Variants in ZC3H4 observed in about 807,000 individuals in gnomAD.
The protein encoded by ZC3H4 is zinc finger CCCH-type containing 4.
A neutral mutation model predicts 108.3 loss-of-function variants in ZC3H4; 13 were observed. That is an observed-to-expected ratio of 0.12 (90% confidence interval 0.08 to 0.19). The LOEUF is 0.19. Among genes scored for constraint, ZC3H4 ranks in the 10% least tolerant of loss-of-function variants. The pLI is 1.00. For synonymous variants in ZC3H4, 917 were observed against 749.6 expected, an observed-to-expected ratio of 1.22 and a Z score of -3.65; for missense variants, 1,734 against 1,838.8, an observed-to-expected ratio of 0.94 and a Z score of 1.04.
At chr19:47,094,954 G>C (rs1178019007) in intron 2 of ZC3H4, among the ~76,000 whole-genome samples, 8 of 152,188 alleles carry the variant, frequency 5.3e-5, no homozygotes, top group African/African-American at 1.7e-4. Context: ...CCCATCTTGG[G>C]GATTCATAAT....
chr19:47,081,762 T>C, intron 10 of ZC3H4, 140 bp from the exon 11 acceptor site: 1 of 730,666 alleles, frequency 1.4e-6, no homozygotes, highest in South Asian at 1.7e-5. Flanking sequence ...TGCTAAGGGC[T>C]GCTCAGTGGG....
chr19:47,101,647 C>T (rs1159706911), intron 2 of ZC3H4, among the ~76,000 whole-genome samples: 2 of 151,718 alleles, frequency 1.3e-5, no homozygotes, highest in African/African-American at 2.4e-5. Context: ...CTGAGGCGGG[C>T]GGATCACTAG....
chr19:47,090,251 C>G, intron 4 of ZC3H4, 62 bp from the exon 5 acceptor site: 2 of 1,576,316 alleles, frequency 1.3e-6, no homozygotes, highest in Non-Finnish European at 1.7e-6. Flanking sequence ...TGCAGACTAC[C>G]AAGATACCCA....
intron 2 of ZC3H4, chr19:47,097,002 G>A (rs951220621): frequency 6.1e-6 from 6 of 985,258 alleles, no homozygotes; most frequent in East Asian, 1.1e-4. Flanking sequence ...TGGCTCGGAC[G>A]AAGGTACAGG....
chr19:47,084,323 C>A (rs1272200183), intron 9 of ZC3H4, 22 bp downstream of exon 9: 1 of 1,610,594 alleles, frequency 6.2e-7, no homozygotes, highest in Non-Finnish European at 8.5e-7. Context: ...CCTAGAGGTG[C>A]CCAGCTTTCA....
chr19:47,095,688 A>G (rs938313410), intron 2 of ZC3H4, among the ~76,000 whole-genome samples: 2 of 152,342 alleles, frequency 1.3e-5, no homozygotes, highest in African/African-American at 4.8e-5. Flanking sequence ...GGAGGCTGGA[A>G]AAAGAATCCA....
intron 2 of ZC3H4, among the ~76,000 whole-genome samples, chr19:47,104,905 G>C (rs918692925): frequency 2.0e-5 from 3 of 151,942 alleles, no homozygotes; most frequent in African/African-American, 7.2e-5. Context: ...TTAGGCCATA[G>C]CAGGGATGTA....
At chr19:47,069,750 T>C (rs1287747571) in intron 13 of ZC3H4, among the ~76,000 whole-genome samples, 2 of 152,196 alleles carry the variant, frequency 1.3e-5, no homozygotes, top group African/African-American at 4.8e-5. Context: ...ACGGTTTCTT[T>C]CTAACAATCA....
Position 47,066,325 on chromosome 19 carries a change from G to C in ZC3H4, c.*31C>G. 1 of 1,476,610 alleles carries C rather than the reference G, an allele frequency of 6.8e-7. No homozygotes were observed. The highest frequency in any genetic ancestry group is 9.0e-7 in the Non-Finnish European group (1 of 1,111,628). The allele number at this position is 1,476,610 out of a possible 1,614,324, so 91.5% of individuals were successfully genotyped here. On this transcript the variant is annotated 3_prime_UTR_variant, in exon 15 of 15. Coordinates refer to ENST00000253048, the MANE Select transcript of ZC3H4 (RefSeq NM_015168.2). ...GCTGCCCTGAATGCCACCCTAGGAAGGGTGGCTGGAGCCGCAGCTCTGGCT... is the reference window on the plus strand; with the variant it reads ...GCTGCCCTGAATGCCACCCTAGGAACGGTGGCTGGAGCCGCAGCTCTGGCT...
At chr19:47,069,037 C>A in intron 14 of ZC3H4, 55 bp downstream of exon 14, 4 of 1,598,416 alleles carry the variant, frequency 2.5e-6, no homozygotes, top group Non-Finnish European at 3.4e-6. Flanking sequence ...ACCACCGCCG[C>A]TCCCCTGCAC....
intron 2 of ZC3H4, among the ~76,000 whole-genome samples, chr19:47,097,888 G>A (rs550383749): frequency 6.6e-6 from 1 of 152,142 alleles, no homozygotes. Flanking sequence ...GATTGGCAAC[G>A]CCTGACATGG....
chr19:47,092,515 C>T (rs1432193170), intron 4 of ZC3H4, among the ~76,000 whole-genome samples: 16 of 152,172 alleles, frequency 1.1e-4, no homozygotes, highest in African/African-American at 1.7e-4. Context: ...GACCTACTAA[C>T]TTTAAAACAT....
At chr19:47,075,189 CCT>C (rs1415721383) in intron 11 of ZC3H4, among the ~76,000 whole-genome samples, 3 of 152,090 alleles carry the variant, frequency 2.0e-5, no homozygotes, top group Non-Finnish European at 2.9e-5. Flanking sequence ...CGGTGGAACC[CCT>C]CTGTCCTTCT....
rs200927562 is a variant in ZC3H4 at position 47,072,748 on chromosome 19, G to A, written c.1441-35C>T. ...TGAAAGAACAAAAGAAGGTGTGGAC[G>A]GGGTCAGGATGGAAACGGACCTCTC... On this transcript the variant is annotated intron_variant, in intron 11 of 14. Coordinates refer to ENST00000253048, the MANE Select transcript of ZC3H4 (RefSeq NM_015168.2). This position sits in a 1 kb window ranked among gnomAD's most constrained non-coding sequence, Gnocchi z 5.6. The A allele has an allele frequency of 1.6e-4, 256 of 1,610,076 alleles. No homozygotes were observed. Among genetic ancestry groups the A allele is most frequent in the Admixed American group, 1.2e-3 (73 of 59,840 alleles).
chr19:47,100,994 G>A (rs560114405), intron 2 of ZC3H4, among the ~76,000 whole-genome samples: 14 of 151,926 alleles, frequency 9.2e-5, no homozygotes, highest in Admixed American at 2.0e-4. Flanking sequence ...CAACACACGC[G>A]GCCTGTAGTT....
chr19:47,093,863 G>C lies in ZC3H4; in HGVS notation c.492+107C>G. On this transcript the variant is annotated intron_variant, in intron 4 of 14. Transcript: ENST00000253048. Reference sequence around the variant, plus strand: ...GATTAAATTAATACCTGATGGCCCAGGACTGAAACTCACAAAAAATGCCCA... The same window carrying C: ...GATTAAATTAATACCTGATGGCCCACGACTGAAACTCACAAAAAATGCCCA... 6.7e-6 allele frequency: 6 copies of C among 902,070 alleles called. No homozygotes were observed. In the South Asian group the frequency reaches 1.0e-4, roughly 15 times the overall value. The allele number at this position is 902,070 out of a possible 1,614,324, so 55.9% of individuals were successfully genotyped here.
intron 9 of ZC3H4, among the ~76,000 whole-genome samples, chr19:47,083,573 C>T (rs923959932): frequency 6.6e-6 from 1 of 151,802 alleles, no homozygotes; most frequent in Admixed American, 6.6e-5. Context: ...GGTGTGGTGG[C>T]GGGCAGGCAC....
intron 11 of ZC3H4, among the ~76,000 whole-genome samples, chr19:47,076,262 C>A (rs2057415599): frequency 6.6e-6 from 1 of 152,186 alleles, no homozygotes; most frequent in Non-Finnish European, 1.5e-5. Context: ...AACGGGTGAA[C>A]CTCAAAGGCT....
In ZC3H4 at chr19:47,066,667, T is replaced by C. The variant is rs1372343724; in HGVS notation, c.3601A>G (p.Thr1201Ala). 1.9e-6 allele frequency: 3 copies of C among 1,611,670 alleles called. No homozygotes were observed. In the African/African-American group the frequency reaches 4.0e-5, roughly 22 times the overall value. The change falls in exon 15 of 15, where the codon ACA becomes GCA. Residue 1201 changes from threonine to alanine, a missense_variant. Physicochemically the swap from Thr to Ala is moderately conservative, Grantham distance 58 (BLOSUM62 0). This residue lies in a region of ZC3H4 where 518 missense variants were observed against 499.6 expected (regional missense o/e 1.04). Coordinates refer to ENST00000253048, the MANE Select transcript of ZC3H4 (RefSeq NM_015168.2). ...VRKSALEQPE[T>A]GKAGADGGTP... ...CCCCCATCAGCACCGGCCTTCCCTGTCTCTGGCTGTTCCAGGGCAGACTTG... is the reference window on the plus strand; with the variant it reads ...CCCCCATCAGCACCGGCCTTCCCTGCCTCTGGCTGTTCCAGGGCAGACTTG...
Sources: gnomAD v4.1 joint callset for allele counts (sites outside exome capture counted in the v4.1 genomes callset) on GRCh38, gnomAD v4.1.1 for gene constraint, gnomAD v4.1.1 regional missense constraint, Gnocchi (gnomAD v3.1) non-coding constraint, MANE v1.5 for transcripts, NCBI Gene and HGNC (gene_info 2026-07-23, HGNC 2026-07-21) for gene names.